TNR: variants seen among roughly 807,000 people sequenced by gnomAD.
TNR encodes tenascin-R.
TNR carries 45 observed loss-of-function variants against 150.4 expected under a neutral mutation model. That is an observed-to-expected ratio of 0.30 (90% CI 0.24 to 0.38). TNR has a LOEUF of 0.38. Among genes scored for constraint, TNR ranks in the 10% least tolerant of loss-of-function variants. TNR has a pLI of 1.00. For missense variants in TNR, 1,544 were observed against 1,759.1 expected (o/e 0.88, Z 2.19); for synonymous variants, 687 against 678.4 (o/e 1.01, Z -0.20).
intron 1 of TNR, among the ~76,000 whole-genome samples, chr1:175,638,030 C>A (rs1664538559): frequency 6.6e-6 from 1 of 152,164 alleles, no homozygotes; most frequent in Non-Finnish European, 1.5e-5. Flanking sequence ...ACTTGACAAG[C>A]TGCATAGAAG....
intron 2 of TNR, among the ~76,000 whole-genome samples, chr1:175,507,161 G>A (rs1658989125): frequency 6.6e-6 from 1 of 152,204 alleles, no homozygotes; most frequent in Admixed American, 6.5e-5. Context: ...ACCTCCCTCT[G>A]CAGTGGTGCG....
At chr1:175,419,101 T>C (rs2102060502) in intron 2 of TNR, among the ~76,000 whole-genome samples, 1 of 152,342 alleles carries the variant, frequency 6.6e-6, no homozygotes, top group South Asian at 2.1e-4. Context: ...GAATGGTTCT[T>C]CAGGGTACAT....
chr1:175,491,732 C>T (rs893358917), intron 2 of TNR, among the ~76,000 whole-genome samples: 4 of 142,580 alleles, frequency 2.8e-5, no homozygotes, highest in Non-Finnish European at 4.5e-5. Context: ...TCACTGCAAG[C>T]TCTGCCTCCA....
intron 2 of TNR, among the ~76,000 whole-genome samples, chr1:175,469,471 T>C (rs1481959516): frequency 6.6e-6 from 1 of 151,674 alleles, no homozygotes; most frequent in African/African-American, 2.4e-5. Context: ...AACAAGAGAG[T>C]TTTGAACTGG....
chr1:175,630,461 G>A (rs1007809433), intron 1 of TNR, among the ~76,000 whole-genome samples: 1 of 152,234 alleles, frequency 6.6e-6, no homozygotes, highest in East Asian at 1.9e-4. Flanking sequence ...CAGCCGCCAT[G>A]TAGCAGGCAT....
At chr1:175,674,071 G>C (rs1458553838) in intron 1 of TNR, among the ~76,000 whole-genome samples, 3 of 152,204 alleles carry the variant, frequency 2.0e-5, no homozygotes, top group Non-Finnish European at 4.4e-5. Context: ...AAACAAGGGA[G>C]AAGGATATGG....
At chr1:175,626,790 C>G (rs1323128) in intron 1 of TNR, among the ~76,000 whole-genome samples, 43,390 of 152,062 alleles carry the variant, frequency 0.29, 7,342 homozygotes, top group East Asian at 0.5. Context: ...AGAAAAGGGT[C>G]TTTGCAGATG....
chr1:175,346,108 A>T (rs2101998596), intron 18 of TNR, among the ~76,000 whole-genome samples: 1 of 152,320 alleles, frequency 6.6e-6, no homozygotes, highest in Non-Finnish European at 1.5e-5. Context: ...GAAAAAAACC[A>T]CAAAAGTTCC....
At chr1:175,503,305 G>A (rs1658817671) in intron 2 of TNR, among the ~76,000 whole-genome samples, 1 of 152,234 alleles carries the variant, frequency 6.6e-6, no homozygotes. Flanking sequence ...AGAGTTTAAG[G>A]AAGCGACAGA....
chr1:175,680,264 C>T lies in TNR; in HGVS notation c.-165+62962G>A, dbSNP rs553707886. Among the ~76,000 whole-genome samples the T allele has an allele frequency of 2.0e-5, 3 of 152,280 alleles. No homozygotes were observed. The South Asian group carries it at 6.2e-4, about 32-fold the overall frequency. The stretch of plus-strand genomic sequence containing the variant: ...GGCAAGGAACAGGGCTTGGATTGAA[C>T]ATGGTTCCCATCTGCAGCTGAGAGT... On this transcript the variant is annotated intron_variant, in intron 1 of 22. Transcript: ENST00000367674.
At chr1:175,680,203 G>C (rs758436795) in intron 1 of TNR, among the ~76,000 whole-genome samples, 7 of 152,218 alleles carry the variant, frequency 4.6e-5, no homozygotes, top group Non-Finnish European at 8.8e-5. Flanking sequence ...GTTCTTTCTT[G>C]TGCCTCTGTG....
intron 1 of TNR, among the ~76,000 whole-genome samples, chr1:175,532,338 G>A (rs1472359973): frequency 2.0e-5 from 3 of 152,184 alleles, no homozygotes; most frequent in Non-Finnish European, 4.4e-5. Context: ...TCATCTTAAT[G>A]TGAAAATGGG....
chr1:175,678,839 G>A (rs533287165), intron 1 of TNR, among the ~76,000 whole-genome samples: 1 of 152,202 alleles, frequency 6.6e-6, no homozygotes, highest in Non-Finnish European at 1.5e-5. Context: ...TTCTGGGAAG[G>A]CAGAGAGACT....
At chr1:175,447,225 AG>A (rs1360489338) in intron 2 of TNR, among the ~76,000 whole-genome samples, 2 of 122,106 alleles carry the variant, frequency 1.6e-5, no homozygotes, top group African/African-American at 3.0e-5. Flanking sequence ...GTGGGTGAGG[AG>A]GGGGTGGGGA....
chr1:175,447,552 C>A (rs193180277), intron 2 of TNR, among the ~76,000 whole-genome samples: 150 of 152,296 alleles, frequency 9.8e-4, no homozygotes, highest in Middle Eastern at 6.8e-3. Flanking sequence ...CTCTATAAAT[C>A]AGCAAATTGA....
intron 1 of TNR, among the ~76,000 whole-genome samples, chr1:175,578,903 GC>G (rs1365992447): frequency 6.6e-6 from 1 of 152,148 alleles, no homozygotes; most frequent in Non-Finnish European, 1.5e-5. Context: ...CTAGGCAGAA[GC>G]CCCCTCCTCT....
At chr1:175,586,768 C>T (rs1369749589) in intron 1 of TNR, among the ~76,000 whole-genome samples, 2 of 152,156 alleles carry the variant, frequency 1.3e-5, no homozygotes, top group Non-Finnish European at 2.9e-5. Context: ...GGATATTGGT[C>T]ATGGTACTGA....
intron 1 of TNR, among the ~76,000 whole-genome samples, chr1:175,594,280 T>C (rs766130117): frequency 1.3e-5 from 2 of 152,050 alleles, no homozygotes; most frequent in Non-Finnish European, 2.9e-5. Flanking sequence ...TCAGTCAATA[T>C]AGGGAAAGGC....
chr1:175,381,195 C>T (rs1185116570), intron 8 of TNR, among the ~76,000 whole-genome samples: 1 of 152,190 alleles, frequency 6.6e-6, no homozygotes, highest in Non-Finnish European at 1.5e-5. Context: ...GGAACACCTG[C>T]CCCTGCATTG....
Sources: gnomAD v4.1 joint callset for allele counts (sites outside exome capture counted in the v4.1 genomes callset) on GRCh38, gnomAD v4.1.1 for gene constraint, MANE v1.5 for transcripts, NCBI Gene and HGNC (gene_info 2026-07-23, HGNC 2026-07-21) for gene names.